Variants in VMP1 observed in about 807,000 individuals in gnomAD.
VMP1 encodes ectopic P-granules autophagy protein 3 homolog.
In VMP1, 11 loss-of-function variants were observed where a neutral mutation model predicts 56.0. The ratio of observed to expected loss-of-function variants is 0.20; its 90% confidence interval spans 0.12 to 0.32. The LOEUF is 0.32. Among genes scored for constraint, VMP1 ranks in the 10% least tolerant of loss-of-function variants. The pLI is 1.00. For synonymous variants in VMP1, 149 were observed against 165.0 expected, an observed-to-expected ratio of 0.90 and a Z score of 0.74; for missense variants, 296 against 490.3, an observed-to-expected ratio of 0.60 and a Z score of 3.74.
chr17:59,718,184 C>CTTTTT lies in VMP1; in HGVS notation c.-27+10460_-27+10464dup, dbSNP rs971095445. 7.4e-4 allele frequency among the ~76,000 whole-genome samples: 59 copies of CTTTTT among 79,296 alleles called. 2 individuals carry two copies. Among genetic ancestry groups the CTTTTT allele is most frequent in the African/African-American group, 8.0e-4 (18 of 22,398 alleles). The allele number at this position is 79,296 out of a possible 152,430, so 52.0% of individuals were successfully genotyped here. On this transcript the variant is annotated intron_variant, in intron 1 of 11. Coordinates refer to ENST00000262291, the MANE Select transcript of VMP1 (RefSeq NM_030938.5). ...ACTTCCTTTCTTCCTTCCCTCCCTC[C>CTTTTT]TTTTTTTTTTTTTTTTTTTTTTTTT...
intron 6 of VMP1, among the ~76,000 whole-genome samples, chr17:59,772,102 T>C (rs1290689470): frequency 6.6e-6 from 1 of 152,014 alleles, no homozygotes; most frequent in Non-Finnish European, 1.5e-5. Flanking sequence ...GCAGTTCTCA[T>C]GCCTCAGCCT....
chr17:59,788,010 G>T (rs1391643142), intron 7 of VMP1, among the ~76,000 whole-genome samples: 2 of 152,090 alleles, frequency 1.3e-5, no homozygotes, highest in Non-Finnish European at 2.9e-5. Context: ...TTATGTTTTA[G>T]CCATGCTGTC....
At chr17:59,774,628 T>G (rs1303745050) in intron 7 of VMP1, among the ~76,000 whole-genome samples, 2 of 152,304 alleles carry the variant, frequency 1.3e-5, no homozygotes, top group South Asian at 4.1e-4. Flanking sequence ...TATATGACAA[T>G]AGTAATAGTA....
At position 59,733,106 on chromosome 17, in the gene VMP1, C is replaced by T. The variant is rs935409119; in HGVS notation, c.76+1584C>T. ...ACTGGAAAGACTGAGGTGAGAGTATCGATTTAGCCCACAAGGCTGCAGTGA... is the reference window on the plus strand; with the variant it reads ...ACTGGAAAGACTGAGGTGAGAGTATTGATTTAGCCCACAAGGCTGCAGTGA... On this transcript the variant is annotated intron_variant, in intron 2 of 11. Transcript: ENST00000262291. 4.6e-5 allele frequency among the ~76,000 whole-genome samples: 7 copies of T among 152,168 alleles called. No individual in the cohort carries two copies. In the South Asian group the frequency reaches 8.3e-4, roughly 18 times the overall value.
chr17:59,823,819 T>G (rs1351005926), intron 10 of VMP1, among the ~76,000 whole-genome samples: 2 of 151,774 alleles, frequency 1.3e-5, no homozygotes, highest in African/African-American at 4.8e-5. Flanking sequence ...GAATGCAGTC[T>G]TTTGAAGGAT....
intron 5 of VMP1, among the ~76,000 whole-genome samples, chr17:59,760,324 C>T (rs1482904203): frequency 6.6e-6 from 1 of 151,966 alleles, no homozygotes; most frequent in Non-Finnish European, 1.5e-5. Context: ...GTATATTTTA[C>T]TTCCTCATAT....
chr17:59,751,763 A>C (rs1051769765), intron 5 of VMP1, among the ~76,000 whole-genome samples: 1 of 151,134 alleles, frequency 6.6e-6, no homozygotes, highest in African/African-American at 2.4e-5. Context: ...AAAAAAAAAA[A>C]AAAAAGTCTA....
intron 7 of VMP1, among the ~76,000 whole-genome samples, chr17:59,800,086 A>G (rs780397807): frequency 6.6e-5 from 10 of 152,174 alleles, no homozygotes; most frequent in Non-Finnish European, 1.3e-4. Flanking sequence ...TTAATGCTCT[A>G]TATTTTTAAA....
At chr17:59,770,751 T>G (rs1427735456) in intron 6 of VMP1, among the ~76,000 whole-genome samples, 1 of 152,040 alleles carries the variant, frequency 6.6e-6, no homozygotes, top group Non-Finnish European at 1.5e-5. Context: ...CGGCTAATTT[T>G]TTGTATTTTT....
chr17:59,743,718 A>G (rs895485713), intron 5 of VMP1, among the ~76,000 whole-genome samples: 1 of 151,814 alleles, frequency 6.6e-6, no homozygotes, highest in African/African-American at 2.4e-5. Context: ...TATAGAAAAA[A>G]CTTGGCTTTT....
intron 7 of VMP1, among the ~76,000 whole-genome samples, chr17:59,776,807 A>G (rs2036633475): frequency 1.3e-5 from 2 of 152,242 alleles, no homozygotes; most frequent in Admixed American, 1.3e-4. Context: ...TTGAAGTGGA[A>G]TAAATATAAG....
intron 1 of VMP1, chr17:59,708,212 G>C (rs756525873): frequency 6.6e-5 from 10 of 152,232 alleles, no homozygotes; most frequent in Non-Finnish European, 1.5e-4. Context: ...GCGTGCAAGT[G>C]CCATCTAAAG....
intron 11 of VMP1, 21 bp downstream of exon 11, chr17:59,838,418 C>A: frequency 6.2e-7 from 1 of 1,612,468 alleles, no homozygotes. Context: ...AATCCGGTTT[C>A]TTCTCCCCTC....
intron 1 of VMP1, among the ~76,000 whole-genome samples, chr17:59,724,668 T>C (rs1310887731): frequency 6.6e-6 from 1 of 151,646 alleles, no homozygotes; most frequent in Non-Finnish European, 1.5e-5. Context: ...TGAAACTTTG[T>C]CTCAAAAATA....
In VMP1 at chr17:59,729,491, A is replaced by C. The variant is rs150476872; in HGVS notation, c.-26-1930A>C. ...GAGACTCCATCTCAAAAAAAAAAAAAAAAAAACCTTTGGTCTGTTAACAGT... is the reference window on the plus strand; with the variant it reads ...GAGACTCCATCTCAAAAAAAAAAAACAAAAAACCTTTGGTCTGTTAACAGT... On this transcript the variant is annotated intron_variant, in intron 1 of 11. Transcript: ENST00000262291. Among the ~76,000 whole-genome samples, 136 of 151,838 alleles carry C rather than the reference A, an allele frequency of 9.0e-4. 1 individual carries two copies. The East Asian group carries it at 0.014, about 16-fold the overall frequency.
chr17:59,801,122 G>A (rs919025210), intron 7 of VMP1, among the ~76,000 whole-genome samples: 10 of 133,124 alleles, frequency 7.5e-5, no homozygotes, highest in African/African-American at 3.3e-4. Context: ...ATGTGTGTGT[G>A]TGTGTGTGTG....
At chr17:59,739,059 G>A (rs2035116860) in intron 5 of VMP1, 112 bp downstream of exon 5, 4 of 800,872 alleles carry the variant, frequency 5.0e-6, no homozygotes, top group Non-Finnish European at 7.5e-6. Flanking sequence ...TTTGTGTTTT[G>A]TAAGCATTCT....
At chr17:59,804,538 C>G (rs2037782748) in intron 7 of VMP1, among the ~76,000 whole-genome samples, 1 of 150,390 alleles carries the variant, frequency 6.6e-6, no homozygotes, top group Non-Finnish European at 1.5e-5. Context: ...TCACTTGAAC[C>G]CGGGAGGCAG....
At chr17:59,732,519 AGG>A (rs2034866988) in intron 2 of VMP1, among the ~76,000 whole-genome samples, 1 of 150,720 alleles carries the variant, frequency 6.6e-6, no homozygotes. Flanking sequence ...CTGGGATTAC[AGG>A]CATGAGCCAC....
Sources: gnomAD v4.1 joint callset for allele counts (sites outside exome capture counted in the v4.1 genomes callset) on GRCh38, gnomAD v4.1.1 for gene constraint, MANE v1.5 for transcripts, NCBI Gene and HGNC (gene_info 2026-07-23, HGNC 2026-07-21) for gene names.